TGIF1: variants seen among roughly 807,000 people sequenced by gnomAD.
The protein encoded by TGIF1 is homeobox protein TGIF1.
TGIF1 carries 4 observed loss-of-function variants against 19.3 expected under a neutral mutation model. That is an observed-to-expected ratio of 0.21 (90% CI 0.10 to 0.47). The LOEUF (loss-of-function observed/expected upper bound fraction) is 0.47. TGIF1 is among the 20% of genes least tolerant of loss of function. The pLI, the probability that TGIF1 is intolerant of heterozygous loss-of-function variation, is 0.98. For synonymous variants in TGIF1, 122 were observed against 129.3 expected, an observed-to-expected ratio of 0.94 and a Z score of 0.38; for missense variants, 275 against 341.4, an observed-to-expected ratio of 0.81 and a Z score of 1.53.
At chr18:3,435,786 T>C (rs1021375454) in intron 2 of TGIF1, among the ~76,000 whole-genome samples, 3 of 152,218 alleles carry the variant, frequency 2.0e-5, no homozygotes, top group African/African-American at 7.2e-5. Context: ...AGTTGCTCTC[T>C]CACTAGCTGT....
upstream of TGIF1, among the ~76,000 whole-genome samples, chr18:3,445,471 T>G (rs2143255937): frequency 6.6e-6 from 1 of 151,982 alleles, no homozygotes; most frequent in East Asian, 1.9e-4. Context: ...ACGCCTGTAA[T>G]CCCAGCACTT....
chr18:3,436,886 T>C (rs1052660923), intron 2 of TGIF1, among the ~76,000 whole-genome samples: 9 of 148,640 alleles, frequency 6.1e-5, no homozygotes. Context: ...GGGTGGATCA[T>C]TCCAGGTCAG....
At chr18:3,430,856 T>G (rs2082538124) in intron 2 of TGIF1, among the ~76,000 whole-genome samples, 1 of 152,074 alleles carries the variant, frequency 6.6e-6, no homozygotes, top group Non-Finnish European at 1.5e-5. Flanking sequence ...ATAGTCCACA[T>G]AAACAAAAGC....
At chr18:3,453,972 C>A in intron 1 of TGIF1, 1 of 360,048 alleles carries the variant, frequency 2.8e-6, no homozygotes, top group Non-Finnish European at 3.9e-6. Context: ...AGCTGAGCCA[C>A]AACTAGGAGG....
intron 2 of TGIF1, among the ~76,000 whole-genome samples, chr18:3,432,143 A>C (rs796741382): frequency 1.2e-4 from 16 of 130,170 alleles, no homozygotes; most frequent in African/African-American, 3.7e-4. Context: ...AAAAAAAAAA[A>C]ACACTAAGAA....
At chr18:3,450,945 G>T (rs555568290) in intron 1 of TGIF1, among the ~76,000 whole-genome samples, 2,231 of 152,026 alleles carry the variant, frequency 0.015, 54 homozygotes, top group African/African-American at 0.05. Context: ...GGCTTTGTCT[G>T]AAAGTTCCAC....
chr18:3,444,160 G>A (rs1176570966), intron 2 of TGIF1, among the ~76,000 whole-genome samples: 3 of 151,704 alleles, frequency 2.0e-5, no homozygotes, highest in Admixed American at 6.6e-5. Flanking sequence ...GGCCAGGCTG[G>A]TCTCGAGGTC....
chr18:3,420,702 G>C (rs529402344), intron 2 of TGIF1, among the ~76,000 whole-genome samples: 1 of 152,322 alleles, frequency 6.6e-6, no homozygotes, highest in South Asian at 2.1e-4. Flanking sequence ...AGCTATGGTA[G>C]CTATGTTAAT....
At position 3,456,665 on chromosome 18, in the gene TGIF1, C is replaced by A; in HGVS notation, c.243+85C>A. The A allele has an allele frequency of 1.7e-6, 2 of 1,169,724 alleles. No individual in the cohort carries two copies. Among genetic ancestry groups the A allele is most frequent in the Non-Finnish European group, 2.5e-6 (2 of 787,480 alleles). 72.5% of individuals were successfully genotyped at this position (1,169,724 alleles called of 1,614,324 possible). ...CATTCCTGTGTGTCAAGTCATTAAG[C>A]TCCTTGCCACTCAAAGACAGAAGGA... On this transcript the variant is annotated intron_variant, in intron 2 of 2. Coordinates refer to ENST00000343820, the MANE Select transcript of TGIF1 (RefSeq NM_003244.4). The surrounding 1 kb of genome is among the most constrained non-coding windows in gnomAD (Gnocchi z 4.2).
intron 1 of TGIF1, chr18:3,452,495 T>A: frequency 2.7e-6 from 4 of 1,498,936 alleles, no homozygotes; most frequent in Non-Finnish European, 3.6e-6. Context: ...GCGAGTCGTC[T>A]GGGGTGGGCA....
At chr18:3,448,099 C>G (rs1242405979), upstream of TGIF1, 1 of 931,786 alleles carries the variant, frequency 1.1e-6, no homozygotes, top group Non-Finnish European at 1.2e-6. Flanking sequence ...GTTAAACCGA[C>G]CGAAGGCGTG....
At chr18:3,452,188 C>A in intron 1 of TGIF1, 5 of 1,611,538 alleles carry the variant, frequency 3.1e-6, no homozygotes, top group Middle Eastern at 1.7e-4. Context: ...TCCCTGGCGA[C>A]CCCCTCTGCG....
intron 2 of TGIF1, among the ~76,000 whole-genome samples, chr18:3,439,736 T>G (rs2082659082): frequency 6.6e-6 from 1 of 151,482 alleles, no homozygotes; most frequent in Non-Finnish European, 1.5e-5. Context: ...AAAATAGGAA[T>G]GGGGCCAGGC....
At chr18:3,437,263 G>A (rs545960858) in intron 2 of TGIF1, among the ~76,000 whole-genome samples, 2 of 152,220 alleles carry the variant, frequency 1.3e-5, no homozygotes, top group South Asian at 2.1e-4. Context: ...AGGTGTGCGA[G>A]CATGGGGGAT....
intron 2 of TGIF1, among the ~76,000 whole-genome samples, chr18:3,436,630 C>G (rs1188862109): frequency 6.6e-6 from 1 of 151,712 alleles, no homozygotes; most frequent in African/African-American, 2.4e-5. Flanking sequence ...ACCAGCCTGG[C>G]CAACGTGGTG....
Position 3,457,706 on chromosome 18 carries a change from A to T in TGIF1, c.585A>T (p.Gly195=). ...PFSLCQSVGV[G]QNTDIQQIAA... ...CTCTCTGCCAGTCGGTCGGTGTGGG[A>T]CAAAACACAGATATACAGCAGATAG... Residue 195 remains glycine (G), a synonymous_variant, in exon 3 of 3, where the codon GGA becomes GGT. Coordinates refer to ENST00000343820, the MANE Select transcript of TGIF1 (RefSeq NM_003244.4). This position sits in a 1 kb window ranked among gnomAD's most constrained non-coding sequence, Gnocchi z 4.9. 2.5e-6 allele frequency: 4 copies of T among 1,614,204 alleles called. No individual in the cohort carries two copies. The highest frequency in any genetic ancestry group is 3.4e-6 in the Non-Finnish European group (4 of 1,180,048).
chr18:3,434,476 C>T lies in TGIF1; in HGVS notation c.-45+16261C>T, dbSNP rs187606957. On this transcript the variant is annotated intron_variant, in intron 2 of 3. Transcript: ENST00000401449. ...GCTTAAACCCAGGAGACAGAGGTTG[C>T]GGTGAGGCAAGATCATGCCATTGCA... 6.2e-3 allele frequency among the ~76,000 whole-genome samples: 941 copies of T among 152,104 alleles called. 10 individuals carry two copies. The highest frequency in any genetic ancestry group is 0.021 in the African/African-American group (879 of 41,452).
chr18:3,412,043 T>G (rs2082277850), exon 1 of TGIF1: 1 of 164,488 alleles, frequency 6.1e-6, no homozygotes, highest in East Asian at 1.3e-4. Context: ...GAAAGACACC[T>G]CCAGGACAAC....
Position 3,456,379 on chromosome 18 carries a change from G to T in TGIF1, c.42G>T (p.Glu14Asp). ...KKGIVAASGS[E>D]TEDEDSMDIP... Reference sequence around the variant, plus strand: ...GTATTGTTGCAGCATCTGGCAGTGAGACTGAGGATGAGGACAGCATGGACA... The same window carrying T: ...GTATTGTTGCAGCATCTGGCAGTGATACTGAGGATGAGGACAGCATGGACA... Residue 14 changes from glutamate to aspartate, a missense_variant, in exon 2 of 3, where the codon GAG (glutamate) becomes GAT (aspartate). Glu to Asp is a conservative substitution (Grantham distance 45). Transcript: ENST00000343820. This position sits in a 1 kb window ranked among gnomAD's most constrained non-coding sequence, Gnocchi z 4.2. 6.2e-7 allele frequency: 1 copy of T among 1,614,234 alleles called. No individual in the cohort carries two copies. The highest frequency in any genetic ancestry group is 8.5e-7 in the Non-Finnish European group (1 of 1,180,034).
Sources: gnomAD v4.1 joint callset for allele counts (sites outside exome capture counted in the v4.1 genomes callset) on GRCh38, gnomAD v4.1.1 for gene constraint, Gnocchi (gnomAD v3.1) non-coding constraint, MANE v1.5 for transcripts, NCBI Gene and HGNC (gene_info 2026-07-23, HGNC 2026-07-21) for gene names.